Variants in PTPRD observed in about 807,000 individuals in gnomAD.
PTPRD encodes the protein protein tyrosine phosphatase receptor type D, also known as receptor-type tyrosine-protein phosphatase delta.
In PTPRD, 34 loss-of-function variants were observed where a neutral mutation model predicts 214.5. That is an observed-to-expected ratio of 0.16 (90% CI 0.12 to 0.21). PTPRD has a LOEUF of 0.21. Among genes scored for constraint, PTPRD ranks in the 10% least tolerant of loss-of-function variants. The probability of loss-of-function intolerance (pLI) is 1.00; values close to 1 mark genes in which losing one functional copy is unlikely to be tolerated. For missense variants in PTPRD, 2,545 were observed against 2,398.7 expected (o/e 1.06, Z -1.27); for synonymous variants, 1,128 against 845.7 (o/e 1.33, Z -5.79).
chr9:8,352,674 A>C (rs1398056628), intron 39 of PTPRD, among the ~76,000 whole-genome samples: 1 of 152,210 alleles, frequency 6.6e-6, no homozygotes, highest in Non-Finnish European at 1.5e-5. Context: ...AGCAAGATTC[A>C]AAGAGAGGAG....
At position 8,778,596 on chromosome 9, in the gene PTPRD, T is replaced by C. The variant is rs372628496; in HGVS notation, c.-103-44650A>G. On this transcript the variant is annotated intron_variant, in intron 11 of 45. Coordinates refer to ENST00000381196, the MANE Select transcript of PTPRD (RefSeq NM_002839.4). ...TGACTTCCAAGCTCCACAGGACCAATTCTGCTTTGTTGAGGAAAGCACCTT... is the reference window on the plus strand; with the variant it reads ...TGACTTCCAAGCTCCACAGGACCAACTCTGCTTTGTTGAGGAAAGCACCTT... Among the ~76,000 whole-genome samples, 7 of 152,174 alleles carry C rather than the reference T, an allele frequency of 4.6e-5. No homozygotes were observed. In the East Asian group the frequency reaches 9.6e-4, roughly 21 times the overall value.
chr9:9,309,387 A>G (rs1427279493), intron 9 of PTPRD, among the ~76,000 whole-genome samples: 1 of 152,196 alleles, frequency 6.6e-6, no homozygotes, highest in African/African-American at 2.4e-5. Flanking sequence ...GTCACAAGCC[A>G]ACATTATGTG....
rs149319551 is a variant in PTPRD at position 9,121,723 on chromosome 9, A to G, written c.-143+61581T>C. Among the ~76,000 whole-genome samples, 440 of 152,246 alleles carry G rather than the reference A, an allele frequency of 2.9e-3. 4 individuals are homozygous for G. The highest frequency in any genetic ancestry group is 0.01 in the African/African-American group (418 of 41,550). ...AAAGACAACAGATATGGTGCAGTGT[A>G]TACTGCTCAGGTGATGGGTGCATCA... On this transcript the variant is annotated intron_variant, in intron 10 of 45. Coordinates refer to ENST00000381196, the MANE Select transcript of PTPRD (RefSeq NM_002839.4).
intron 7 of PTPRD, among the ~76,000 whole-genome samples, chr9:9,649,675 C>T (rs2096284159): frequency 1.3e-5 from 2 of 152,278 alleles, no homozygotes; most frequent in East Asian, 1.9e-4. Flanking sequence ...ACTCATTTTG[C>T]ACTCATTAAT....
At chr9:9,943,653 G>GAAC (rs35261613) in intron 4 of PTPRD, among the ~76,000 whole-genome samples, 1 of 151,802 alleles carries the variant, frequency 6.6e-6, no homozygotes, top group African/African-American at 2.4e-5. Context: ...TAAAATAAAA[G>GAAC]TGTAGTCATT....
intron 8 of PTPRD, among the ~76,000 whole-genome samples, chr9:9,571,256 G>A (rs1277752909): frequency 6.6e-6 from 1 of 151,180 alleles, no homozygotes; most frequent in Non-Finnish European, 1.5e-5. Context: ...CACAAAATAA[G>A]TTGTGTTTTT....
chr9:9,742,962 C>T (rs909140165), intron 6 of PTPRD, among the ~76,000 whole-genome samples: 6 of 152,146 alleles, frequency 3.9e-5, no homozygotes, highest in Non-Finnish European at 8.8e-5. Flanking sequence ...GTCTTCCTTT[C>T]TAATAATTAA....
intron 9 of PTPRD, among the ~76,000 whole-genome samples, chr9:9,252,281 G>A (rs1212488275): frequency 1.3e-5 from 2 of 151,924 alleles, no homozygotes; most frequent in East Asian, 3.9e-4. Flanking sequence ...TGTTGGTCAT[G>A]GCATGTCCCT....
At chr9:9,970,051 G>A (rs1244050529) in intron 4 of PTPRD, among the ~76,000 whole-genome samples, 2 of 151,944 alleles carry the variant, frequency 1.3e-5, no homozygotes, top group African/African-American at 2.4e-5. Flanking sequence ...CACCTGTATG[G>A]GCCTTAAGGT....
At chr9:9,995,859 A>G (rs140397089) in intron 4 of PTPRD, among the ~76,000 whole-genome samples, 1 of 152,132 alleles carries the variant, frequency 6.6e-6, no homozygotes, top group African/African-American at 2.4e-5. Context: ...TCAATCCCCT[A>G]TTACTCAGTT....
chr9:10,100,603 A>G (rs404317), intron 3 of PTPRD, among the ~76,000 whole-genome samples: 64,437 of 151,446 alleles, frequency 0.43, 14,605 homozygotes, highest in African/African-American at 0.55. Flanking sequence ...TTATTACTGT[A>G]AGACTCTTTT....
At chr9:10,083,771 C>T (rs977757572) in intron 3 of PTPRD, among the ~76,000 whole-genome samples, 1 of 151,902 alleles carries the variant, frequency 6.6e-6, no homozygotes, top group Non-Finnish European at 1.5e-5. Flanking sequence ...TCATAAGGAG[C>T]ACGCGACCTA....
chr9:10,240,146 G>A (rs952362473), intron 3 of PTPRD, among the ~76,000 whole-genome samples: 5 of 151,902 alleles, frequency 3.3e-5, no homozygotes, highest in African/African-American at 1.2e-4. Context: ...CTATGTGGTG[G>A]TTCATATAAC....
chr9:10,449,775 A>T (rs1315851941), intron 2 of PTPRD, among the ~76,000 whole-genome samples: 3 of 151,886 alleles, frequency 2.0e-5, no homozygotes, highest in Non-Finnish European at 4.4e-5. Context: ...GGCCATGATG[A>T]CGATGGCGGT....
At chr9:8,872,092 C>G (rs1353411064) in intron 11 of PTPRD, among the ~76,000 whole-genome samples, 1 of 152,152 alleles carries the variant, frequency 6.6e-6, no homozygotes, top group Admixed American at 6.5e-5. Context: ...GCTTATAGCT[C>G]CAACAAAAAC....
rs930004402 is a variant in PTPRD at position 10,535,897 on chromosome 9, G to A, written c.-600+76501C>T. Among the ~76,000 whole-genome samples, 9 of 152,226 alleles carry A rather than the reference G, an allele frequency of 5.9e-5. No homozygotes were observed. In the East Asian group the frequency reaches 1.7e-3, roughly 29 times the overall value. ...GCCTCTATTGTCACAAAGTGAGAAA[G>A]CAGACATAGGTTTCACACAGGTATG... On this transcript the variant is annotated intron_variant, in intron 2 of 45. Transcript: ENST00000381196.
chr9:10,405,744 T>C (rs996746803), intron 2 of PTPRD, among the ~76,000 whole-genome samples: 1 of 151,584 alleles, frequency 6.6e-6, no homozygotes, highest in African/African-American at 2.4e-5. Context: ...TAACTTCAAC[T>C]AGTAAATATT....
intron 3 of PTPRD, among the ~76,000 whole-genome samples, chr9:10,290,932 G>C (rs961217961): frequency 2.6e-5 from 4 of 151,844 alleles, no homozygotes; most frequent in Admixed American, 2.0e-4. Flanking sequence ...CTAGGCTAAA[G>C]CTAGAGAACT....
chr9:8,729,174 G>A (rs75146518), intron 12 of PTPRD, among the ~76,000 whole-genome samples: 7,938 of 152,070 alleles, frequency 0.052, 664 homozygotes, highest in African/African-American at 0.18. Flanking sequence ...AGAGGCAACC[G>A]TACAAACAGA....
Sources: allele counts gnomAD v4.1 joint callset (sites outside exome capture counted in the v4.1 genomes callset), GRCh38; gene constraint gnomAD v4.1.1; transcripts MANE v1.5; gene names NCBI Gene and HGNC (gene_info 2026-07-23, HGNC 2026-07-21).